The following CSMD1 variants were observed in gnomAD, a reference collection of about 807,000 sequenced individuals.
CSMD1 encodes CUB and Sushi multiple domains 1.
A neutral mutation model predicts 417.5 loss-of-function variants in CSMD1; 213 were observed. The ratio of observed to expected loss-of-function variants is 0.51; its 90% CI spans 0.46 to 0.57. The LOEUF (loss-of-function observed/expected upper bound fraction) is 0.57, where lower values mean the gene tolerates loss of function less well. CSMD1 is among the 20% of genes least tolerant of loss of function. The probability of loss-of-function intolerance (pLI) is 0.00; values close to 1 mark genes in which losing one functional copy is unlikely to be tolerated. For synonymous variants in CSMD1, 2,862 were observed against 1,736.8 expected, an observed-to-expected ratio of 1.65 and a Z score of -16.11; for missense variants, 6,923 against 4,529.7, an observed-to-expected ratio of 1.53 and a Z score of -15.17.
At chr8:3,506,952 T>C (rs1796852248) in intron 10 of CSMD1, among the ~76,000 whole-genome samples, 1 of 152,222 alleles carries the variant, frequency 6.6e-6, no homozygotes. Context: ...CACACTTAAC[T>C]AATTTAGGAA....
chr8:3,540,308 TTC>T (rs1415386103), intron 10 of CSMD1, among the ~76,000 whole-genome samples: 15 of 152,162 alleles, frequency 9.9e-5, no homozygotes, highest in Non-Finnish European at 1.5e-4. Flanking sequence ...GTGATAACTC[TTC>T]TTAGAAATAC....
intron 1 of CSMD1, among the ~76,000 whole-genome samples, chr8:4,832,136 G>A (rs1464805641): frequency 6.6e-6 from 1 of 152,138 alleles, no homozygotes; most frequent in Non-Finnish European, 1.5e-5. Context: ...ATGTATCTCT[G>A]TTTTCCTGGT....
At chr8:3,865,672 C>A (rs1476437250) in intron 5 of CSMD1, among the ~76,000 whole-genome samples, 1 of 152,126 alleles carries the variant, frequency 6.6e-6, no homozygotes, top group Non-Finnish European at 1.5e-5. Context: ...CTGTTAAGTA[C>A]CAGGCACTGT....
At chr8:3,291,813 C>A (rs187894833) in intron 25 of CSMD1, among the ~76,000 whole-genome samples, 5 of 151,886 alleles carry the variant, frequency 3.3e-5, no homozygotes, top group East Asian at 1.9e-4. Context: ...GGGTTTTTTG[C>A]GTCTCTATTT....
At chr8:3,608,087 G>A (rs754731371) in intron 8 of CSMD1, among the ~76,000 whole-genome samples, 3 of 149,806 alleles carry the variant, frequency 2.0e-5, no homozygotes, top group Admixed American at 6.8e-5. Context: ...CCGGAGAATT[G>A]TTTGAACCTG....
At chr8:4,049,084 C>T (rs771454886) in intron 3 of CSMD1, among the ~76,000 whole-genome samples, 1 of 152,122 alleles carries the variant, frequency 6.6e-6, no homozygotes, top group Admixed American at 6.6e-5. Flanking sequence ...GAATTGCCTC[C>T]ATTTTTTTCT....
intron 23 of CSMD1, among the ~76,000 whole-genome samples, chr8:3,333,708 G>A (rs182836746): frequency 4.6e-5 from 7 of 152,178 alleles, no homozygotes; most frequent in East Asian, 1.9e-4. Context: ...CTTTCCCCTG[G>A]TTCTTAGCAT....
intron 1 of CSMD1, among the ~76,000 whole-genome samples, chr8:4,976,499 T>A (rs2117406796): frequency 6.6e-6 from 1 of 152,338 alleles, no homozygotes; most frequent in Non-Finnish European, 1.5e-5. Flanking sequence ...TTACGTTGTT[T>A]TTTATCCTTA....
chr8:4,773,521 G>A (rs1046459758), intron 1 of CSMD1, among the ~76,000 whole-genome samples: 1 of 152,248 alleles, frequency 6.6e-6, no homozygotes, highest in South Asian at 2.1e-4. Context: ...TCCTCAACCA[G>A]TTTTTATGAT....
intron 5 of CSMD1, among the ~76,000 whole-genome samples, chr8:3,992,217 C>G (rs1051216875): frequency 7.9e-5 from 12 of 151,532 alleles, no homozygotes; most frequent in Admixed American, 4.0e-4. Flanking sequence ...CCCATTTATG[C>G]TATACTAAAC....
Position 2,999,861 on chromosome 8 carries a change from C to T in CSMD1, c.8203+97G>A, listed in dbSNP as rs1023859617. The T allele has an allele frequency of 2.0e-5, 21 of 1,048,128 alleles. No homozygotes were observed. The Admixed American group carries it at 5.5e-4, about 28-fold the overall frequency. The allele number at this position is 1,048,128 out of a possible 1,614,324, so 64.9% of individuals were successfully genotyped here. A position where few individuals can be genotyped will look rare whatever the true frequency, so the allele number is the denominator to read the frequency against. ...ACTGAAAGTTTGCTGTTCCCTTTTACAGTGAAGATTAAACAGGTGTATATT... is the reference window on the plus strand; with the variant it reads ...ACTGAAAGTTTGCTGTTCCCTTTTATAGTGAAGATTAAACAGGTGTATATT... On this transcript the variant is annotated intron_variant, in intron 53 of 69. Coordinates refer to ENST00000635120, the MANE Select transcript of CSMD1 (RefSeq NM_033225.6).
intron 18 of CSMD1, among the ~76,000 whole-genome samples, chr8:3,371,881 G>A (rs1211320854): frequency 1.3e-5 from 2 of 152,216 alleles, no homozygotes; most frequent in African/African-American, 4.8e-5. Flanking sequence ...TGTGAAAGAA[G>A]TAACATTATA....
intron 2 of CSMD1, among the ~76,000 whole-genome samples, chr8:4,609,358 G>A (rs760556279): frequency 7.9e-5 from 12 of 152,164 alleles, no homozygotes; most frequent in Admixed American, 2.6e-4. Context: ...CCGAGACTGC[G>A]TGACTGCACT....
intron 3 of CSMD1, among the ~76,000 whole-genome samples, chr8:4,208,633 C>T (rs984562887): frequency 1.3e-5 from 2 of 151,932 alleles, no homozygotes; most frequent in Non-Finnish European, 2.9e-5. Context: ...AAAACTAAGG[C>T]CGTGATATGC....
At chr8:3,817,292 T>TTTA (rs1801439251) in intron 5 of CSMD1, among the ~76,000 whole-genome samples, 12 of 93,546 alleles carry the variant, frequency 1.3e-4, no homozygotes, top group African/African-American at 5.9e-4. Flanking sequence ...TTTTTTTTTT[T>TTTA]TTTTTTGAGA....
In CSMD1 at chr8:4,605,658, T is replaced by C. The variant is rs756132665; in HGVS notation, c.302+31684A>G. On this transcript the variant is annotated intron_variant, in intron 2 of 69. Coordinates refer to ENST00000635120, the MANE Select transcript of CSMD1 (RefSeq NM_033225.6). ...TCCTTTTTTAAAATTATCTTCCTTA[T>C]AATGCTTTAACATATACTTATACTT... 2.6e-5 allele frequency among the ~76,000 whole-genome samples: 4 copies of C among 152,214 alleles called. No individual in the cohort carries two copies. The South Asian group carries it at 8.3e-4, about 32-fold the overall frequency.
At chr8:4,074,031 C>G (rs1007076787) in intron 3 of CSMD1, among the ~76,000 whole-genome samples, 3 of 151,934 alleles carry the variant, frequency 2.0e-5, no homozygotes, top group East Asian at 1.9e-4. Context: ...TTTATTGCTT[C>G]TGCTTTTAGA....
intron 5 of CSMD1, among the ~76,000 whole-genome samples, chr8:3,990,909 G>C (rs1335472043): frequency 6.6e-6 from 1 of 152,134 alleles, no homozygotes; most frequent in Non-Finnish European, 1.5e-5. Context: ...TGACGTGAAA[G>C]ACCCTTCCTT....
At chr8:4,755,543 C>T (rs1811613047) in intron 1 of CSMD1, among the ~76,000 whole-genome samples, 1 of 152,186 alleles carries the variant, frequency 6.6e-6, no homozygotes, top group South Asian at 2.1e-4. Context: ...ATACACCTGT[C>T]CTGATTTTCT....
Sources: gnomAD v4.1 joint callset for allele counts (sites outside exome capture counted in the v4.1 genomes callset) on GRCh38, gnomAD v4.1.1 for gene constraint, MANE v1.5 for transcripts, NCBI Gene and HGNC (gene_info 2026-07-23, HGNC 2026-07-21) for gene names.